Variants in CRADD observed in about 807,000 individuals in gnomAD.
CRADD encodes the protein death domain-containing protein CRADD.
In CRADD, 9 loss-of-function variants were observed where a neutral mutation model predicts 15.5. The ratio of observed to expected loss-of-function variants is 0.58; its 90% CI spans 0.35 to 1.01. The LOEUF is 1.01. Among genes scored for constraint, CRADD ranks in the 50% least tolerant of loss-of-function variants. CRADD has a pLI of 0.02. For missense variants in CRADD, 227 were observed against 250.3 expected (o/e 0.91, Z 0.63); for synonymous variants, 118 against 107.6 (o/e 1.10, Z -0.60).
At chr12:93,679,332 G>C (rs988609025) in intron 2 of CRADD, among the ~76,000 whole-genome samples, 2 of 151,966 alleles carry the variant, frequency 1.3e-5, no homozygotes, top group Admixed American at 6.6e-5. Context: ...AGTAGAGATG[G>C]GGTTTCATCA....
chr12:93,679,150 G>C, intron 2 of CRADD, 78 bp downstream of exon 2: 2 of 1,226,368 alleles, frequency 1.6e-6, no homozygotes, highest in Non-Finnish European at 2.3e-6. Context: ...TTATTTGTTT[G>C]TTTGTTTTTG....
chr12:93,746,821 T>G (rs1956760163), intron 2 of CRADD, among the ~76,000 whole-genome samples: 1 of 152,048 alleles, frequency 6.6e-6, no homozygotes, highest in Admixed American at 6.5e-5. Context: ...AGGATAATAT[T>G]GTGCATGTAC....
At chr12:93,737,399 A>T (rs1956590020) in intron 2 of CRADD, among the ~76,000 whole-genome samples, 1 of 152,246 alleles carries the variant, frequency 6.6e-6, no homozygotes. Context: ...GCCAGATAAA[A>T]GTCAATGTCT....
chr12:93,743,767 G>C lies in CRADD; in HGVS notation c.298+64695G>C, dbSNP rs185210387. Among the ~76,000 whole-genome samples, 429 of 152,102 alleles carry C rather than the reference G, an allele frequency of 2.8e-3. 3 individuals are homozygous for C. The highest frequency in any genetic ancestry group is 8.8e-3 in the African/African-American group (367 of 41,492). On this transcript the variant is annotated intron_variant, in intron 2 of 2. Coordinates refer to ENST00000332896, the MANE Select transcript of CRADD (RefSeq NM_003805.5). ...TGCTTTATGCATCTTCTTTTGAATT[G>C]TTTAGAAACAATGGCAAAATTTCCA...
intron 2 of CRADD, among the ~76,000 whole-genome samples, chr12:93,887,306 C>T (rs551524180): frequency 6.6e-6 from 1 of 152,344 alleles, no homozygotes; most frequent in Admixed American, 6.5e-5. Flanking sequence ...ACACCAGGCA[C>T]AGATACACTT....
At chr12:93,845,687 G>C (rs930609722) in intron 2 of CRADD, among the ~76,000 whole-genome samples, 26 of 152,058 alleles carry the variant, frequency 1.7e-4, no homozygotes, top group Non-Finnish European at 3.4e-4. Flanking sequence ...AGTATTTTAT[G>C]CTATAGAAAG....
chr12:93,801,766 T>C (rs1437060081), intron 2 of CRADD, among the ~76,000 whole-genome samples: 1 of 152,116 alleles, frequency 6.6e-6, no homozygotes, highest in Non-Finnish European at 1.5e-5. Context: ...ATAAGTTCTT[T>C]AGTGGTGATT....
chr12:93,801,326 G>A (rs1031548304), intron 2 of CRADD, among the ~76,000 whole-genome samples: 1 of 152,154 alleles, frequency 6.6e-6, no homozygotes, highest in Non-Finnish European at 1.5e-5. Context: ...AGCTGGTATT[G>A]ATCTCTGAAG....
At chr12:93,752,532 C>T (rs1277734940) in intron 2 of CRADD, among the ~76,000 whole-genome samples, 3 of 152,124 alleles carry the variant, frequency 2.0e-5, no homozygotes, top group African/African-American at 7.2e-5. Context: ...CACTTGGACA[C>T]ATATTTATAC....
chr12:93,779,432 G>GA (rs1014502313), intron 2 of CRADD, among the ~76,000 whole-genome samples: 1 of 151,054 alleles, frequency 6.6e-6, no homozygotes, highest in African/African-American at 2.4e-5. Flanking sequence ...TATTTCAAAG[G>GA]AAAAAAACAT....
intron 2 of CRADD, among the ~76,000 whole-genome samples, chr12:93,859,146 G>A (rs981432858): frequency 6.6e-6 from 1 of 152,170 alleles, no homozygotes; most frequent in Non-Finnish European, 1.5e-5. Context: ...GCCTGATTGT[G>A]TGTGCAGATG....
intron 2 of CRADD, among the ~76,000 whole-genome samples, chr12:93,742,121 A>C (rs1177477876): frequency 6.6e-6 from 1 of 152,222 alleles, no homozygotes; most frequent in Non-Finnish European, 1.5e-5. Flanking sequence ...CTCTCCTTTC[A>C]TGTTAGCCCA....
chr12:93,796,915 G>T (rs1362512716), intron 2 of CRADD, among the ~76,000 whole-genome samples: 1 of 152,170 alleles, frequency 6.6e-6, no homozygotes, highest in African/African-American at 2.4e-5. Context: ...TGGATATCAC[G>T]TGGCACATCC....
At chr12:93,711,055 C>CCCCCCCCCCCTCTT in intron 2 of CRADD, among the ~76,000 whole-genome samples, 1 of 43,508 alleles carries the variant, frequency 2.3e-5, no homozygotes, top group Non-Finnish European at 4.4e-5. Context: ...CCACCCCCGC[C>CCCCCCCCCCCTCTT]TTTTTTTTTT....
chr12:93,806,179 C>T (rs1176952003), intron 2 of CRADD, among the ~76,000 whole-genome samples: 1 of 151,980 alleles, frequency 6.6e-6, no homozygotes, highest in African/African-American at 2.4e-5. Flanking sequence ...GGTGGCCGGG[C>T]GCAGTGGCTC....
At chr12:93,893,398 T>TA (rs576685230) in intron 2 of CRADD, among the ~76,000 whole-genome samples, 6,100 of 146,116 alleles carry the variant, frequency 0.042, 390 homozygotes, top group African/African-American at 0.14. Flanking sequence ...GGTGTTGATT[T>TA]AAAAAAAAAA....
chr12:93,734,602 T>G (rs2136917910), intron 2 of CRADD, among the ~76,000 whole-genome samples: 1 of 152,300 alleles, frequency 6.6e-6, no homozygotes, highest in South Asian at 2.1e-4. Context: ...TTCAATATGT[T>G]CCCGCTGCTC....
intron 2 of CRADD, among the ~76,000 whole-genome samples, chr12:93,768,502 T>C (rs1308124461): frequency 6.6e-6 from 1 of 151,910 alleles, no homozygotes; most frequent in African/African-American, 2.4e-5. Context: ...TTTTTTTTTT[T>C]TATGAATCCT....
intron 2 of CRADD, among the ~76,000 whole-genome samples, chr12:93,695,776 T>C (rs1249653839): frequency 6.6e-6 from 1 of 152,070 alleles, no homozygotes; most frequent in Non-Finnish European, 1.5e-5. Context: ...CTCGCCTGTA[T>C]TCCCAGCTAC....
Sources: allele counts gnomAD v4.1 joint callset (sites outside exome capture counted in the v4.1 genomes callset), GRCh38; gene constraint gnomAD v4.1.1; transcripts MANE v1.5; gene names NCBI Gene and HGNC (gene_info 2026-07-23, HGNC 2026-07-21).